Variants in PPP3R1 observed in about 807,000 individuals in gnomAD.
PPP3R1 encodes the protein protein phosphatase 3 regulatory subunit B, alpha.
In PPP3R1, 5 loss-of-function variants were observed where a neutral mutation model predicts 22.6. The observed-to-expected ratio is 0.22, with a 90% confidence interval of 0.12 to 0.46. The LOEUF (loss-of-function observed/expected upper bound fraction) is 0.46. PPP3R1 is among the 20% of genes least tolerant of loss of function. PPP3R1 has a pLI of 0.99. For synonymous variants in PPP3R1, 56 were observed against 65.2 expected (o/e 0.86, Z 0.68); for missense variants, 61 against 203.2 (o/e 0.30, Z 4.25).
intron 2 of PPP3R1, among the ~76,000 whole-genome samples, chr2:68,198,312 T>C (rs1407420020): frequency 6.9e-6 from 1 of 145,530 alleles, no homozygotes; most frequent in Admixed American, 6.9e-5. Context: ...CATGTATACA[T>C]ATATGTATAT....
intron 2 of PPP3R1, among the ~76,000 whole-genome samples, chr2:68,208,279 A>G (rs1669378063): frequency 6.6e-6 from 1 of 152,214 alleles, no homozygotes; most frequent in African/African-American, 2.4e-5. Flanking sequence ...TGCAGTAATG[A>G]CTCAAATAAT....
In PPP3R1 at chr2:68,220,988, A is replaced by C. The variant is rs536253614; in HGVS notation, c.4-3857T>G. ...ATGACATAGAGGTGGTGGTTGTACTACATTATAAATGCCAGCCTGGGCAAC... is the reference window on the plus strand; with the variant it reads ...ATGACATAGAGGTGGTGGTTGTACTCCATTATAAATGCCAGCCTGGGCAAC... On this transcript the variant is annotated intron_variant, in intron 1 of 5. Transcript: ENST00000234310. Among the ~76,000 whole-genome samples, 145 of 152,274 alleles carry C rather than the reference A, an allele frequency of 9.5e-4. 1 individual carries two copies. Among genetic ancestry groups the C allele is most frequent in the African/African-American group, 3.3e-3 (136 of 41,550 alleles).
At position 68,225,459 on chromosome 2, in the gene PPP3R1, T is replaced by C. The variant is rs546765049; in HGVS notation, c.4-8328A>G. On this transcript the variant is annotated intron_variant, in intron 1 of 5. Coordinates refer to ENST00000234310, the MANE Select transcript of PPP3R1 (RefSeq NM_000945.4). ...GCTCAATCTCATAAGGGCAAAGAGC[T>C]GAATTCTGCCAATAACGTGAACAGC... Among the ~76,000 whole-genome samples the C allele has an allele frequency of 2.0e-5, 3 of 152,308 alleles. No individual in the cohort carries two copies. In the East Asian group the frequency reaches 5.8e-4, roughly 29 times the overall value.
intron 5 of PPP3R1, among the ~76,000 whole-genome samples, chr2:68,182,681 G>C (rs1164475320): frequency 2.0e-5 from 3 of 147,960 alleles, no homozygotes; most frequent in Non-Finnish European, 4.5e-5. Flanking sequence ...AAAAAGATTA[G>C]GCGGCATGAC....
intron 2 of PPP3R1, among the ~76,000 whole-genome samples, chr2:68,195,376 GT>G (rs1674746742): frequency 6.6e-6 from 1 of 152,112 alleles, no homozygotes; most frequent in East Asian, 1.9e-4. Flanking sequence ...CCAGTACACT[GT>G]ATCAAGGGGC....
chr2:68,197,194 T>A (rs548812962), intron 2 of PPP3R1, among the ~76,000 whole-genome samples: 1 of 152,290 alleles, frequency 6.6e-6, no homozygotes, highest in South Asian at 2.1e-4. Flanking sequence ...CTTGAGCCCT[T>A]TTGCAGTCAA....
chr2:68,232,748 A>G (rs1669943572), intron 1 of PPP3R1, among the ~76,000 whole-genome samples: 1 of 152,030 alleles, frequency 6.6e-6, no homozygotes, highest in African/African-American at 2.4e-5. Flanking sequence ...CTGGGATTAC[A>G]GGCATGCACC....
At chr2:68,193,109 T>C (rs1325815465) in intron 2 of PPP3R1, among the ~76,000 whole-genome samples, 2 of 152,204 alleles carry the variant, frequency 1.3e-5, no homozygotes, top group East Asian at 3.8e-4. Flanking sequence ...TGAAACATTA[T>C]AAAGTAGTTG....
At chr2:68,200,679 C>T (rs1403908551) in intron 2 of PPP3R1, among the ~76,000 whole-genome samples, 1 of 152,120 alleles carries the variant, frequency 6.6e-6, no homozygotes, top group South Asian at 2.1e-4. Flanking sequence ...ATGTTAGTTC[C>T]ATCTGAAGAG....
intron 2 of PPP3R1, among the ~76,000 whole-genome samples, chr2:68,191,681 T>G (rs1194822451): frequency 6.6e-6 from 1 of 152,240 alleles, no homozygotes; most frequent in African/African-American, 2.4e-5. Flanking sequence ...GGTCAGCCAC[T>G]GACCAAAAAT....
intron 1 of PPP3R1, among the ~76,000 whole-genome samples, chr2:68,238,368 A>T (rs1376821954): frequency 6.6e-6 from 1 of 152,164 alleles, no homozygotes; most frequent in Non-Finnish European, 1.5e-5. Context: ...ACACAATGCC[A>T]CTGTGGATCT....
At chr2:68,223,419 AAACTAT>A (rs1669724770) in intron 1 of PPP3R1, among the ~76,000 whole-genome samples, 1 of 152,180 alleles carries the variant, frequency 6.6e-6, no homozygotes, top group Non-Finnish European at 1.5e-5. Context: ...CAACAAAAGA[AAACTAT>A]ATCTAATGTT....
chr2:68,189,784 G>A (rs902245707), intron 2 of PPP3R1, among the ~76,000 whole-genome samples: 46 of 152,172 alleles, frequency 3.0e-4, no homozygotes, highest in African/African-American at 1.1e-3. Context: ...CAGGAGAATC[G>A]CTTGAACCCA....
At position 68,220,429 on chromosome 2, in the gene PPP3R1, T is replaced by C. The variant is rs1388223128; in HGVS notation, c.4-3298A>G. Reference sequence around the variant, plus strand: ...TTGGGAGTTTGCACAGAGCTAGGAATAGTTCATGATCCCATGGGCCAAACT... The same window carrying C: ...TTGGGAGTTTGCACAGAGCTAGGAACAGTTCATGATCCCATGGGCCAAACT... On this transcript the variant is annotated intron_variant, in intron 1 of 5. Coordinates refer to ENST00000234310, the MANE Select transcript of PPP3R1 (RefSeq NM_000945.4). Among the ~76,000 whole-genome samples, 3 of 152,210 alleles carry C rather than the reference T, an allele frequency of 2.0e-5. No homozygotes were observed. In the South Asian group the frequency reaches 6.2e-4, roughly 31 times the overall value.
rs1192968943 is a variant in PPP3R1, at chr2:68,239,786, T to G, written c.3+12339A>C. 2.0e-5 allele frequency among the ~76,000 whole-genome samples: 3 copies of G among 152,212 alleles called. No homozygotes were observed. The East Asian group carries it at 5.8e-4, about 29-fold the overall frequency. ...GTATATAAAAGTTGTTAAATTAGCC[T>G]AAATTTGGCCTCAGGATGCCTCTGC... is the stretch of plus-strand genomic sequence containing the variant. On this transcript the variant is annotated intron_variant, in intron 1 of 5. Transcript: ENST00000234310.
chr2:68,188,239 TAAAGTGAGATTAATTTTCTAA>T (rs1295418716), intron 3 of PPP3R1, among the ~76,000 whole-genome samples: 1 of 152,210 alleles, frequency 6.6e-6, no homozygotes, highest in Non-Finnish European at 1.5e-5. Context: ...AGTATTGCCC[TAAAGTGAGATTAATTTTCTAA>T]AAAGAAAGGA....
Position 68,252,386 on chromosome 2 carries a change from C to G in PPP3R1, c.-259G>C, listed in dbSNP as rs944384307. 47 of 1,002,284 alleles carry G rather than the reference C, an allele frequency of 4.7e-5. No individual in the cohort carries two copies. The African/African-American group carries it at 7.7e-4, about 16-fold the overall frequency. 62.1% of individuals were successfully genotyped at this position (1,002,284 alleles called of 1,614,324 possible). On this transcript the variant is annotated 5_prime_UTR_variant, in exon 1 of 6. Coordinates refer to ENST00000234310, the MANE Select transcript of PPP3R1 (RefSeq NM_000945.4). ...CCGGAGAGCGCGGGAGGAGCAGCGG[C>G]GAGAGGCAGGAGAGGCAGAGAAGAA...
intron 2 of PPP3R1, among the ~76,000 whole-genome samples, chr2:68,210,538 G>T (rs986271129): frequency 4.6e-5 from 7 of 152,128 alleles, no homozygotes; most frequent in Non-Finnish European, 8.8e-5. Context: ...ATCCAACTAA[G>T]TCAGACAACC....
At chr2:68,190,255 TAAAAAAAAA>T (rs34117344) in intron 2 of PPP3R1, among the ~76,000 whole-genome samples, 1 of 25,152 alleles carries the variant, frequency 4.0e-5, no homozygotes, top group Admixed American at 5.5e-4. Flanking sequence ...AAGTTTCTCT[TAAAAAAAAA>T]AAAAAAAAAA....
Sources: gnomAD v4.1 joint callset for allele counts (sites outside exome capture counted in the v4.1 genomes callset) on GRCh38, gnomAD v4.1.1 for gene constraint, MANE v1.5 for transcripts, NCBI Gene and HGNC (gene_info 2026-07-23, HGNC 2026-07-21) for gene names.